FAF1: variants seen among roughly 807,000 people sequenced by gnomAD.
The protein encoded by FAF1 is FAS-associated factor 1.
In FAF1, 25 loss-of-function variants were observed where a neutral mutation model predicts 92.5. That is an observed-to-expected ratio of 0.27 (90% confidence interval 0.20 to 0.38). The LOEUF is 0.38. Ranked by LOEUF, FAF1 falls within the 10% of genes least tolerant of loss-of-function variation. The probability of loss-of-function intolerance (pLI) is 1.00; values close to 1 mark genes in which losing one functional copy is unlikely to be tolerated. For missense variants in FAF1, 636 were observed against 793.3 expected, an observed-to-expected ratio of 0.80 and a Z score of 2.38; for synonymous variants, 234 against 273.2, an observed-to-expected ratio of 0.86 and a Z score of 1.42.
intron 13 of FAF1, among the ~76,000 whole-genome samples, chr1:50,554,784 C>T (rs1193380463): frequency 6.6e-6 from 1 of 152,150 alleles, no homozygotes; most frequent in Non-Finnish European, 1.5e-5. Context: ...CAGAATATTA[C>T]AGACAAAGGT....
chr1:50,836,951 C>CTTTTTT lies in FAF1; in HGVS notation c.114+20972_114+20977dup, dbSNP rs528322924. ...TCTCTTACAAGTGTATGTTATGTTT[C>CTTTTTT]TTTTTTTTTTTTTTTTTTTTTTTTG... On this transcript the variant is annotated intron_variant, in intron 2 of 18. Transcript: ENST00000396153. 3.2e-3 allele frequency among the ~76,000 whole-genome samples: 248 copies of CTTTTTT among 76,652 alleles called. 1 individual carries two copies. The highest frequency in any genetic ancestry group is 3.8e-3 in the Admixed American group (20 of 5,256). 50.3% of individuals were successfully genotyped at this position (76,652 alleles called of 152,430 possible).
chr1:50,506,496 C>T (rs543037157), intron 15 of FAF1, among the ~76,000 whole-genome samples: 3 of 152,248 alleles, frequency 2.0e-5, no homozygotes, highest in Admixed American at 6.5e-5. Flanking sequence ...CCTAAGTGTC[C>T]GCTCTAAGCA....
chr1:50,727,923 C>G (rs919153049), intron 6 of FAF1, among the ~76,000 whole-genome samples: 14 of 152,314 alleles, frequency 9.2e-5, no homozygotes, highest in Admixed American at 9.2e-4. Context: ...GCTGCACTGT[C>G]AGTTTCCCTA....
At chr1:50,708,508 T>A (rs1440436515) in intron 6 of FAF1, among the ~76,000 whole-genome samples, 4 of 151,236 alleles carry the variant, frequency 2.6e-5, no homozygotes, top group African/African-American at 9.7e-5. Flanking sequence ...TTTTGAGATG[T>A]CTATTAGACA....
At chr1:50,601,105 G>T (rs985834856) in intron 8 of FAF1, among the ~76,000 whole-genome samples, 1 of 132,124 alleles carries the variant, frequency 7.6e-6, no homozygotes, top group Non-Finnish European at 1.6e-5. Flanking sequence ...AAACAACTGA[G>T]AAGACAAAAA....
chr1:50,892,418 C>T (rs1343990274), intron 1 of FAF1, among the ~76,000 whole-genome samples: 1 of 152,200 alleles, frequency 6.6e-6, no homozygotes, highest in Non-Finnish European at 1.5e-5. Flanking sequence ...GCAGAAATCA[C>T]CCATCTTCTG....
intron 1 of FAF1, among the ~76,000 whole-genome samples, chr1:50,888,493 T>G: frequency 6.6e-6 from 1 of 152,244 alleles, no homozygotes; most frequent in East Asian, 1.9e-4. Flanking sequence ...GCCCATTCAG[T>G]ATGATATTGG....
intron 1 of FAF1, among the ~76,000 whole-genome samples, chr1:50,887,540 G>A (rs1259367418): frequency 1.3e-5 from 2 of 152,110 alleles, no homozygotes; most frequent in Non-Finnish European, 2.9e-5. Context: ...ATCCATCTTT[G>A]AATTAATTTT....
intron 1 of FAF1, among the ~76,000 whole-genome samples, chr1:50,884,511 G>C (rs143119473): frequency 0.031 from 4,530 of 147,006 alleles, 243 homozygotes; most frequent in African/African-American, 0.11. Context: ...CACAGAGTGA[G>C]ACTCTGTCTC....
At chr1:50,762,121 C>A (rs936872616) in intron 4 of FAF1, among the ~76,000 whole-genome samples, 1 of 152,038 alleles carries the variant, frequency 6.6e-6, no homozygotes, top group Admixed American at 6.6e-5. Context: ...ACCTAGGAAT[C>A]CAACTTACAA....
intron 12 of FAF1, among the ~76,000 whole-genome samples, chr1:50,573,817 C>CA (rs199900774): frequency 0.038 from 5,024 of 131,886 alleles, 259 homozygotes; most frequent in African/African-American, 0.12. Context: ...GGGTTAAAAA[C>CA]AAAAAAAAAA....
At chr1:50,845,327 C>G (rs1644289399) in intron 2 of FAF1, among the ~76,000 whole-genome samples, 1 of 152,204 alleles carries the variant, frequency 6.6e-6, no homozygotes, top group East Asian at 1.9e-4. Flanking sequence ...TCTCTGCAAC[C>G]TTGCAGTCTT....
At chr1:50,451,775 T>A (rs1350069301) in intron 18 of FAF1, 1 of 910,068 alleles carries the variant, frequency 1.1e-6, no homozygotes, top group East Asian at 1.2e-4. Flanking sequence ...AAAAGCCCAG[T>A]GAGTGGAAAG....
At chr1:50,929,099 G>GAA (rs57523646) in intron 1 of FAF1, among the ~76,000 whole-genome samples, 89 of 138,796 alleles carry the variant, frequency 6.4e-4, no homozygotes, top group African/African-American at 1.6e-3. Flanking sequence ...AGAAAGAAAA[G>GAA]AAAAAAAAAC....
chr1:50,664,306 T>C (rs1180908798), intron 7 of FAF1, among the ~76,000 whole-genome samples: 2 of 149,324 alleles, frequency 1.3e-5, no homozygotes, highest in Non-Finnish European at 2.9e-5. Context: ...AATCTTTAGT[T>C]TTTCTGTCTC....
chr1:50,494,268 A>G (rs1324787470), intron 15 of FAF1, among the ~76,000 whole-genome samples: 1 of 152,146 alleles, frequency 6.6e-6, no homozygotes, highest in Non-Finnish European at 1.5e-5. Flanking sequence ...CCCCCATATT[A>G]TTCTATATTA....
intron 3 of FAF1, among the ~76,000 whole-genome samples, chr1:50,789,680 T>C (rs1661495855): frequency 6.6e-6 from 1 of 152,138 alleles, no homozygotes; most frequent in Admixed American, 6.6e-5. Context: ...TTCCATTCCA[T>C]CATGCCCCTA....
intron 2 of FAF1, among the ~76,000 whole-genome samples, chr1:50,804,230 A>G (rs1459512397): frequency 6.6e-6 from 1 of 152,218 alleles, no homozygotes; most frequent in African/African-American, 2.4e-5. Context: ...TGAAAAATTC[A>G]GCTAATACCA....
At chr1:50,711,457 C>T (rs1281078979) in intron 6 of FAF1, among the ~76,000 whole-genome samples, 1 of 146,636 alleles carries the variant, frequency 6.8e-6, no homozygotes, top group Non-Finnish European at 1.5e-5. Flanking sequence ...ATGTTATCCA[C>T]ACTGACTTTT....
Sources: allele counts gnomAD v4.1 joint callset (sites outside exome capture counted in the v4.1 genomes callset), GRCh38; gene constraint gnomAD v4.1.1; transcripts MANE v1.5; gene names NCBI Gene and HGNC (gene_info 2026-07-23, HGNC 2026-07-21).